The following FRMD4A variants were observed in gnomAD, a reference collection of about 807,000 sequenced individuals.
FRMD4A encodes the protein FERM domain containing 4A.
A neutral mutation model predicts 129.1 loss-of-function variants in FRMD4A; 29 were observed. That is an observed-to-expected ratio of 0.22 (90% CI 0.17 to 0.31). The LOEUF is 0.31. Ranked by LOEUF, FRMD4A falls within the 10% of genes least tolerant of loss-of-function variation. The pLI, the probability that FRMD4A is intolerant of heterozygous loss-of-function variation, is 1.00. For synonymous variants in FRMD4A, 634 were observed against 571.6 expected (o/e 1.11, Z -1.56); for missense variants, 1,272 against 1,375.8 (o/e 0.92, Z 1.19).
chr10:14,238,196 G>A (rs1048170279), intron 2 of FRMD4A, among the ~76,000 whole-genome samples: 2 of 152,186 alleles, frequency 1.3e-5, no homozygotes, highest in African/African-American at 4.8e-5. Context: ...CCTTATATGT[G>A]GGGTATCATC....
chr10:14,314,605 T>A lies in FRMD4A; in HGVS notation c.45+15453A>T, dbSNP rs576063030. On this transcript the variant is annotated intron_variant, in intron 2 of 24. Coordinates refer to ENST00000357447, the MANE Select transcript of FRMD4A (RefSeq NM_018027.5). The stretch of plus-strand genomic sequence containing the variant: ...GACACAGGTGCAAGGGATACGATGC[T>A]TAGAGCTGCTGCAGCCATCTTGGAA... 4.6e-5 allele frequency among the ~76,000 whole-genome samples: 7 copies of A among 152,296 alleles called. No homozygotes were observed. In the East Asian group the frequency reaches 1.4e-3, roughly 29 times the overall value.
chr10:14,159,473 C>G (rs1225798575), intron 2 of FRMD4A, among the ~76,000 whole-genome samples: 1 of 152,072 alleles, frequency 6.6e-6, no homozygotes, highest in South Asian at 2.1e-4. Flanking sequence ...CTGAAGAAGA[C>G]AGAAGATACA....
At chr10:14,205,772 A>C (rs1310761169) in intron 2 of FRMD4A, among the ~76,000 whole-genome samples, 1 of 136,654 alleles carries the variant, frequency 7.3e-6, no homozygotes, top group Non-Finnish European at 1.5e-5. Flanking sequence ...GCACCACTGC[A>C]CTCCAGCCTG....
chr10:14,045,999 T>C (rs2131680099), intron 2 of FRMD4A, among the ~76,000 whole-genome samples: 1 of 150,398 alleles, frequency 6.6e-6, no homozygotes, highest in South Asian at 2.1e-4. Context: ...ATGTTATACA[T>C]ATGTATTCAT....
At chr10:14,268,097 G>A (rs1845041198) in intron 2 of FRMD4A, among the ~76,000 whole-genome samples, 1 of 152,068 alleles carries the variant, frequency 6.6e-6, no homozygotes, top group South Asian at 2.1e-4. Context: ...TCAAAAGAGT[G>A]TCATTATTGC....
At chr10:13,898,693 C>CT (rs1457917949) in intron 2 of FRMD4A, among the ~76,000 whole-genome samples, 1 of 152,162 alleles carries the variant, frequency 6.6e-6, no homozygotes, top group Non-Finnish European at 1.5e-5. Context: ...TAGGGTCTCA[C>CT]TATTGGTGGA....
intron 8 of FRMD4A, among the ~76,000 whole-genome samples, chr10:13,759,797 TACTTAC>T (rs1381012714): frequency 3.3e-5 from 5 of 152,198 alleles, no homozygotes; most frequent in Non-Finnish European, 7.3e-5. Flanking sequence ...CAGCCAAAGC[TACTTAC>T]AGTCATTATC....
chr10:14,131,488 C>T (rs1248060551), intron 2 of FRMD4A, among the ~76,000 whole-genome samples: 1 of 150,790 alleles, frequency 6.6e-6, no homozygotes, highest in Non-Finnish European at 1.5e-5. Flanking sequence ...TGTGACTGTT[C>T]TGGAGACTGT....
intron 6 of FRMD4A, among the ~76,000 whole-genome samples, chr10:13,772,125 A>G (rs2130740642): frequency 6.9e-6 from 1 of 145,510 alleles, no homozygotes; most frequent in African/African-American, 2.5e-5. Flanking sequence ...TCAAAAAAAT[A>G]TATATATTAT....
chr10:14,277,745 G>A (rs550671397), intron 2 of FRMD4A, among the ~76,000 whole-genome samples: 13 of 152,236 alleles, frequency 8.5e-5, no homozygotes, highest in African/African-American at 2.4e-4. Flanking sequence ...TCCTCACACC[G>A]AGTTGCCTAC....
intron 24 of FRMD4A, 26 bp downstream of exon 24, chr10:13,651,877 T>C (rs1030642342): frequency 8.3e-7 from 1 of 1,199,800 alleles, no homozygotes; most frequent in Admixed American, 1.7e-5. Context: ...TCATGGGCAG[T>C]AGGAACAAAA....
Position 13,666,301 on chromosome 10 carries a change from G to C in FRMD4A, c.1399C>G (p.Arg467Gly). 6.2e-7 allele frequency: 1 copy of C among 1,613,816 alleles called. No individual in the cohort carries two copies. The highest frequency in any genetic ancestry group is 8.5e-7 in the Non-Finnish European group (1 of 1,179,738). Residue 467 changes from arginine (R) to glycine (G), a missense_variant, in exon 18 of 25, where the codon CGA (arginine) becomes GGA (glycine). Around this residue, in one of 2 missense-constraint regions of FRMD4A, gnomAD observed 972 missense variants for 892.3 expected, o/e 1.09. Coordinates refer to ENST00000357447, the MANE Select transcript of FRMD4A (RefSeq NM_018027.5). ...GEEAELERLE[R>G]EFAIQSQITE... The stretch of plus-strand genomic sequence containing the variant: ...ATCTGGGACTGAATGGCAAACTCTC[G>C]TTCCAGGCGTTCCAGCTCAGCTTCC...
At position 14,008,162 on chromosome 10, in the gene FRMD4A, C is replaced by CTGTGCG. The variant is rs1555012498; in HGVS notation, c.46-149251_46-149250insCGCACA. ...CAGCCTGAACCACCATGGTGTACAG[C>CTGTGCG]TGTGTGTGTGTGTGTGTGTGTGTGT... On this transcript the variant is annotated intron_variant, in intron 2 of 24. Transcript: ENST00000357447. 3.3e-4 allele frequency: 205 copies of CTGTGCG among 630,240 alleles called. 2 individuals carry two copies. In the South Asian group the frequency reaches 5.5e-3, roughly 17 times the overall value. 39.0% of individuals were successfully genotyped at this position (630,240 alleles called of 1,614,324 possible).
At chr10:13,980,343 G>T (rs1275695230) in intron 2 of FRMD4A, among the ~76,000 whole-genome samples, 2 of 152,002 alleles carry the variant, frequency 1.3e-5, no homozygotes, top group Admixed American at 1.3e-4. Flanking sequence ...CATGACTGTG[G>T]TAAAAACAAA....
intron 2 of FRMD4A, among the ~76,000 whole-genome samples, chr10:14,104,788 T>C (rs1419335445): frequency 6.6e-6 from 1 of 152,246 alleles, no homozygotes; most frequent in African/African-American, 2.4e-5. Context: ...GTCCTAGAGC[T>C]CTCACTGTGT....
chr10:13,839,534 T>C (rs1250090187), intron 3 of FRMD4A, among the ~76,000 whole-genome samples: 1 of 152,194 alleles, frequency 6.6e-6, no homozygotes, highest in Non-Finnish European at 1.5e-5. Context: ...AGACCCCAGT[T>C]AAGTTGGCTT....
At chr10:14,329,617 G>C (rs1843431544) in intron 2 of FRMD4A, among the ~76,000 whole-genome samples, 1 of 152,154 alleles carries the variant, frequency 6.6e-6, no homozygotes, top group Non-Finnish European at 1.5e-5. Flanking sequence ...AGTATGAGCA[G>C]ATATATGGGC....
At chr10:13,786,309 G>C (rs546552054) in intron 5 of FRMD4A, among the ~76,000 whole-genome samples, 1 of 152,178 alleles carries the variant, frequency 6.6e-6, no homozygotes, top group East Asian at 1.9e-4. Context: ...TTAATGATTT[G>C]ATTTTCAAAA....
At chr10:13,814,327 T>C (rs1045997880) in intron 3 of FRMD4A, among the ~76,000 whole-genome samples, 2 of 152,122 alleles carry the variant, frequency 1.3e-5, no homozygotes, top group African/African-American at 2.4e-5. Flanking sequence ...ACAGTGGCTC[T>C]TGCCTATAAT....
Sources: allele counts gnomAD v4.1 joint callset (sites outside exome capture counted in the v4.1 genomes callset), GRCh38; gene constraint gnomAD v4.1.1; regional missense constraint gnomAD v4.1.1; transcripts MANE v1.5; gene names NCBI Gene and HGNC (gene_info 2026-07-23, HGNC 2026-07-21).